The following IQSEC2 variants were observed in gnomAD, a reference collection of about 807,000 sequenced individuals.
The protein encoded by IQSEC2 is IQ motif and Sec7 domain ArfGEF 2.
A neutral mutation model predicts 74.6 loss-of-function variants in IQSEC2; 6 were observed. The observed-to-expected ratio is 0.08, with a 90% CI of 0.04 to 0.16. The LOEUF is 0.16. Ranked by LOEUF, IQSEC2 falls within the 10% of genes least tolerant of loss-of-function variation. IQSEC2 has a pLI of 1.00. For missense variants in IQSEC2, 734 were observed against 1,306.2 expected, an observed-to-expected ratio of 0.56 and a Z score of 6.75; for synonymous variants, 494 against 544.5, an observed-to-expected ratio of 0.91 and a Z score of 1.29.
intron 2 of IQSEC2, among the ~76,000 whole-genome samples, chrX:53,288,606 G>A (rs1485836255): frequency 8.9e-6 from 1 of 111,958 alleles, no homozygotes; most frequent in Non-Finnish European, 1.9e-5. Flanking sequence ...CATTCTTCCA[G>A]CCTGACTATA....
intron 2 of IQSEC2, among the ~76,000 whole-genome samples, chrX:53,276,613 A>AG (rs1556869618): frequency 8.9e-6 from 1 of 112,054 alleles, no homozygotes; most frequent in Non-Finnish European, 1.9e-5. Context: ...AGCCATCCTT[A>AG]TTTTGTTCCT....
chrX:53,291,664 G>A (rs1294705825), intron 2 of IQSEC2, among the ~76,000 whole-genome samples: 4 of 111,184 alleles, frequency 3.6e-5, no homozygotes, highest in Non-Finnish European at 7.5e-5. Context: ...AAGCTCCCAA[G>A]TCAACTAGTG....
intron 1 of IQSEC2, among the ~76,000 whole-genome samples, chrX:53,293,722 G>A (rs1444925216): frequency 6.3e-5 from 7 of 111,644 alleles, no homozygotes; most frequent in Admixed American, 2.8e-4. Flanking sequence ...GCCCTGCCCT[G>A]GGAATACAAC....
intron 1 of IQSEC2, among the ~76,000 whole-genome samples, chrX:53,292,284 A>G (rs1007298515): frequency 8.9e-6 from 1 of 111,899 alleles, no homozygotes; most frequent in Non-Finnish European, 1.9e-5. Context: ...GCAGGGGCAA[A>G]GCCCAAGCTT....
rs1310498514 is a variant in IQSEC2, at chrX:53,243,461, A to G, written c.2760T>C (p.Asn920=). The G allele has an allele frequency of 4.3e-6, 5 of 1,173,744 alleles. No individual in the cohort carries two copies. In the East Asian group the frequency reaches 1.6e-4, roughly 37 times the overall value. The stretch of plus-strand genomic sequence containing the variant: ...GGAGGTCTCGGGGGATGTCTTCACC[A>G]TTGTCAACCCCTGGGGGAGGGAGTA... ...DFIKNLRGVD[N]GEDIPRDLLV... Residue 920 remains asparagine (N), a synonymous_variant, in exon 9 of 15, where the codon AAT becomes AAC. Coordinates refer to ENST00000642864, the MANE Select transcript of IQSEC2 (RefSeq NM_001111125.3).
At chrX:53,318,005 T>C (rs1249484980) in intron 1 of IQSEC2, among the ~76,000 whole-genome samples, 1 of 111,852 alleles carries the variant, frequency 8.9e-6, no homozygotes, top group Admixed American at 9.4e-5. Context: ...TCTCCTGGCC[T>C]CTCCTAGCTC....
chrX:53,248,318 C>A, intron 6 of IQSEC2, 82 bp from the exon 7 acceptor site: 1 of 1,096,956 alleles, frequency 9.1e-7, no homozygotes, highest in Non-Finnish European at 1.2e-6. Flanking sequence ...TCAAATGGAC[C>A]AACACCCCCA....
chrX:53,284,332 C>T (rs1184065838), intron 2 of IQSEC2, among the ~76,000 whole-genome samples: 1 of 110,015 alleles, frequency 9.1e-6, no homozygotes, highest in Non-Finnish European at 1.9e-5. Flanking sequence ...AGCCCCTACC[C>T]CATACCTCCA....
chrX:53,248,591 G>C (rs782675218), intron 6 of IQSEC2, 130 bp downstream of exon 6: 1 of 710,360 alleles, frequency 1.4e-6, no homozygotes, highest in African/African-American at 2.1e-5. Context: ...AGGGTACAGG[G>C]GCAGGAAGGT....
At chrX:53,243,522 T>G (rs782476326) in intron 8 of IQSEC2, 51 bp from the exon 9 acceptor site, 13 of 1,116,981 alleles carry the variant, frequency 1.2e-5, no homozygotes, top group Admixed American at 5.8e-5. Flanking sequence ...GGGCACTGGG[T>G]GGTAGGGGTG....
chrX:53,309,984 A>G (rs2075306006), intron 1 of IQSEC2, among the ~76,000 whole-genome samples: 1 of 111,504 alleles, frequency 9.0e-6, no homozygotes. Context: ...CATGAAAGAG[A>G]AGAAAAATGA....
intron 1 of IQSEC2, among the ~76,000 whole-genome samples, chrX:53,298,495 T>C (rs1219363182): frequency 8.9e-6 from 1 of 112,038 alleles, no homozygotes; most frequent in Non-Finnish European, 1.9e-5. Flanking sequence ...TCTTTGCATA[T>C]GATGTTTTTT....
At chrX:53,267,587 C>T (rs1328469583) in intron 2 of IQSEC2, among the ~76,000 whole-genome samples, 1 of 111,613 alleles carries the variant, frequency 9.0e-6, no homozygotes, top group Non-Finnish European at 1.9e-5. Context: ...GAACTTGGCA[C>T]TATCTCTAGA....
intron 3 of IQSEC2, 125 bp from the exon 4 acceptor site, chrX:53,255,056 G>C: frequency 1.6e-6 from 1 of 636,188 alleles, no homozygotes. Context: ...AGAGCGCCAG[G>C]CTAGGTGCTC....
Position 53,320,495 on chromosome X carries a change from G to C in IQSEC2, c.629C>G (p.Ser210Cys). ...GCCGGCGCCGGGACTGGAGCTCCTG[G>C]ATGCGCCACGGCTCAGCTGGCCCCG... ...RERGQLSRGA[S>C]RSSSPGAGGG... The change falls in exon 1 of 15, where the codon TCC becomes TGC. Residue 210 changes from serine to cysteine, a missense_variant. By Grantham distance (112) the Ser-to-Cys change is moderately radical. This residue lies in a region of IQSEC2 where 134 missense variants were observed against 214.9 expected (regional missense o/e 0.62). Transcript: ENST00000642864. 7 of 1,164,673 alleles carry C rather than the reference G, an allele frequency of 6.0e-6. No individual in the cohort carries two copies. The highest frequency in any genetic ancestry group is 8.0e-6 in the Non-Finnish European group (7 of 872,003).
chrX:53,246,556 G>C (rs1301304244), intron 8 of IQSEC2, among the ~76,000 whole-genome samples: 1 of 111,951 alleles, frequency 8.9e-6, no homozygotes, highest in Admixed American at 9.5e-5. Context: ...GTTTGGTCGA[G>C]TGATAAATGA....
At chrX:53,264,976 G>C (rs1053533470) in intron 2 of IQSEC2, among the ~76,000 whole-genome samples, 3 of 109,510 alleles carry the variant, frequency 2.7e-5, no homozygotes, top group Admixed American at 9.8e-5. Context: ...ATGTTGCCCA[G>C]GCTGATCTGA....
At chrX:53,281,809 C>T (rs1040186179) in intron 2 of IQSEC2, among the ~76,000 whole-genome samples, 7 of 112,003 alleles carry the variant, frequency 6.2e-5, no homozygotes, top group African/African-American at 1.3e-4. Context: ...AATCTCCCCA[C>T]GCACCCCATC....
chrX:53,240,679 G>A (rs1186253007), intron 10 of IQSEC2, among the ~76,000 whole-genome samples: 4 of 111,881 alleles, frequency 3.6e-5, no homozygotes, highest in Non-Finnish European at 7.5e-5. Context: ...GACCCTGAAA[G>A]TCCCTTCCAA....
Sources: allele counts gnomAD v4.1 joint callset (sites outside exome capture counted in the v4.1 genomes callset), GRCh38; gene constraint gnomAD v4.1.1; regional missense constraint gnomAD v4.1.1; transcripts MANE v1.5; gene names NCBI Gene and HGNC (gene_info 2026-07-23, HGNC 2026-07-21).